The following PDE11A variants were observed in gnomAD, a reference collection of about 807,000 sequenced individuals.
The protein encoded by PDE11A is dual 3',5'-cyclic-AMP and -GMP phosphodiesterase 11A.
In PDE11A, 100 loss-of-function variants were observed where a neutral mutation model predicts 100.5. The observed-to-expected ratio is 1.00, with a 90% CI of 0.85 to 1.18. The LOEUF (loss-of-function observed/expected upper bound fraction) is 1.18, where lower values mean the gene tolerates loss of function less well. Ranked by LOEUF, PDE11A falls within the 50% of genes most tolerant of loss-of-function variation. The pLI is 0.00. For missense variants in PDE11A, 1,141 were observed against 1,152.6 expected, an observed-to-expected ratio of 0.99 and a Z score of 0.15; for synonymous variants, 381 against 420.8, an observed-to-expected ratio of 0.91 and a Z score of 1.16.
At chr2:177,923,280 G>A (rs1248756719) in intron 2 of PDE11A, among the ~76,000 whole-genome samples, 1 of 151,884 alleles carries the variant, frequency 6.6e-6, no homozygotes, top group East Asian at 1.9e-4. Flanking sequence ...AGGATCACTT[G>A]AGCCTAGGAG....
chr2:178,094,093 T>C (rs954055372), intron 2 of PDE11A, among the ~76,000 whole-genome samples: 4 of 152,172 alleles, frequency 2.6e-5, no homozygotes, highest in African/African-American at 9.7e-5. Flanking sequence ...CCAAAAAGAT[T>C]ATCTTCATCA....
At chr2:177,808,289 G>T (rs947310452) in intron 9 of PDE11A, among the ~76,000 whole-genome samples, 1 of 152,136 alleles carries the variant, frequency 6.6e-6, no homozygotes. Flanking sequence ...GGTATTCCTT[G>T]TACCTGTGAA....
intron 2 of PDE11A, among the ~76,000 whole-genome samples, chr2:178,002,961 A>T (rs767479818): frequency 3.9e-5 from 6 of 152,194 alleles, no homozygotes; most frequent in Non-Finnish European, 8.8e-5. Flanking sequence ...GATCGACATC[A>T]TTAGCCATCA....
chr2:178,085,787 G>A (rs2087343958), intron 2 of PDE11A, among the ~76,000 whole-genome samples: 1 of 152,136 alleles, frequency 6.6e-6, no homozygotes. Flanking sequence ...ATTAAAAATA[G>A]TCTTGCAACA....
intron 2 of PDE11A, among the ~76,000 whole-genome samples, chr2:178,085,419 A>G (rs1473540558): frequency 6.6e-6 from 1 of 152,176 alleles, no homozygotes; most frequent in East Asian, 1.9e-4. Flanking sequence ...AAAACTACCT[A>G]TCAGATACTA....
intron 2 of PDE11A, among the ~76,000 whole-genome samples, chr2:177,912,261 T>C (rs1193355427): frequency 1.3e-5 from 2 of 152,140 alleles, no homozygotes; most frequent in African/African-American, 4.8e-5. Flanking sequence ...GTGCTTCTAC[T>C]TCTGTCCCTG....
chr2:177,980,586 C>A (rs968227494), intron 2 of PDE11A, among the ~76,000 whole-genome samples: 1 of 150,728 alleles, frequency 6.6e-6, no homozygotes, highest in Non-Finnish European at 1.5e-5. Flanking sequence ...CAATTCAATG[C>A]AGATTTATTT....
chr2:177,645,819 T>A (rs764482410), intron 19 of PDE11A, among the ~76,000 whole-genome samples: 1 of 152,220 alleles, frequency 6.6e-6, no homozygotes, highest in Non-Finnish European at 1.5e-5. Flanking sequence ...AGCATCAATG[T>A]CTAATATCCT....
At position 177,629,535 on chromosome 2, in the gene PDE11A, T is replaced by A. The variant is rs2105428201; in HGVS notation, c.2674A>T (p.Lys892Ter). The change falls in exon 20 of 20, where the codon AAG (lysine) becomes TAG (stop). Residue 892 changes from lysine to a stop codon, truncating the protein, a stop_gained. Transcript: ENST00000286063. LOFTEE classifies it low-confidence loss of function (END_TRUNC). ...GTAGCTACTGAATCTAGCATCGGCTTCAGTTTCACGTTGACCTTCACCAGT... is the reference window on the plus strand; with the variant it reads ...GTAGCTACTGAATCTAGCATCGGCTACAGTTTCACGTTGACCTTCACCAGT... ...QALVKVNVKL[K>*]PMLDSVATNR... 6.2e-7 allele frequency: 1 copy of A among 1,614,144 alleles called. No homozygotes were observed. The highest frequency in any genetic ancestry group is 1.7e-5 in the Admixed American group (1 of 60,018).
chr2:177,670,381 A>ATT (rs71010814), intron 17 of PDE11A, among the ~76,000 whole-genome samples: 1 of 151,372 alleles, frequency 6.6e-6, no homozygotes, highest in African/African-American at 2.4e-5. Context: ...AGCTAAACAG[A>ATT]TTTTTTTTTT....
Position 177,787,255 on chromosome 2 carries a change from T to C in PDE11A, c.1738-17882A>G, listed in dbSNP as rs938382822. On this transcript the variant is annotated intron_variant, in intron 9 of 19. Transcript: ENST00000286063. Reference sequence around the variant, plus strand: ...TATTCAACATTCTTAAAGAAAAGAATTTTCAACCCAGAATTTCATATCCAG... The same window carrying C: ...TATTCAACATTCTTAAAGAAAAGAACTTTCAACCCAGAATTTCATATCCAG... 6.7e-5 allele frequency among the ~76,000 whole-genome samples: 10 copies of C among 149,082 alleles called. No individual in the cohort carries two copies. In the East Asian group the frequency reaches 7.8e-4, roughly 12 times the overall value.
chr2:177,819,153 C>A (rs2105584320), intron 7 of PDE11A, among the ~76,000 whole-genome samples: 1 of 152,098 alleles, frequency 6.6e-6, no homozygotes, highest in East Asian at 1.9e-4. Context: ...AAACTCTGTG[C>A]ATGATGTAGT....
At chr2:178,022,815 A>G (rs1433044865) in intron 1 of PDE11A, among the ~76,000 whole-genome samples, 1 of 152,226 alleles carries the variant, frequency 6.6e-6, no homozygotes, top group Non-Finnish European at 1.5e-5. Flanking sequence ...GAGATTTCTA[A>G]TAAATTAAGG....
intron 2 of PDE11A, among the ~76,000 whole-genome samples, chr2:178,085,091 G>A (rs2087332638): frequency 6.6e-6 from 1 of 152,194 alleles, no homozygotes; most frequent in African/African-American, 2.4e-5. Context: ...CAGTCTATAT[G>A]CCATGTGAAT....
chr2:177,827,389 C>G (rs1475894218), intron 6 of PDE11A, among the ~76,000 whole-genome samples: 1 of 152,200 alleles, frequency 6.6e-6, no homozygotes, highest in Non-Finnish European at 1.5e-5. Flanking sequence ...AAATGGACCA[C>G]CAAATCCATC....
At chr2:178,061,243 G>A (rs779099646) in intron 1 of PDE11A, among the ~76,000 whole-genome samples, 5 of 152,058 alleles carry the variant, frequency 3.3e-5, no homozygotes, top group East Asian at 3.9e-4. Flanking sequence ...GTCGGGCAGT[G>A]GGGGTGTGAT....
chr2:177,755,485 TAC>T (rs2082078867), intron 10 of PDE11A, among the ~76,000 whole-genome samples: 1 of 152,204 alleles, frequency 6.6e-6, no homozygotes, highest in African/African-American at 2.4e-5. Context: ...TACCTGCATG[TAC>T]TGTGAAGGAC....
At chr2:177,720,575 G>A (rs972020706) in intron 12 of PDE11A, among the ~76,000 whole-genome samples, 1 of 152,154 alleles carries the variant, frequency 6.6e-6, no homozygotes, top group African/African-American at 2.4e-5. Flanking sequence ...TTGAGGTCCA[G>A]AGACCAGAAC....
chr2:177,992,726 A>G (rs1352316076), intron 2 of PDE11A, among the ~76,000 whole-genome samples: 2 of 152,162 alleles, frequency 1.3e-5, no homozygotes, highest in Non-Finnish European at 2.9e-5. Context: ...CAATTTTTAA[A>G]GATCCCTCAG....
Sources: gnomAD v4.1 joint callset for allele counts (sites outside exome capture counted in the v4.1 genomes callset) on GRCh38, gnomAD v4.1.1 for gene constraint, MANE v1.5 for transcripts, NCBI Gene and HGNC (gene_info 2026-07-23, HGNC 2026-07-21) for gene names.